The following FNTB variants were observed in gnomAD, a reference collection of about 807,000 sequenced individuals.
FNTB encodes protein farnesyltransferase subunit beta.
Under a neutral mutation model 59.4 loss-of-function variants are expected in FNTB, and 27 were observed. The ratio of observed to expected loss-of-function variants is 0.45; its 90% CI spans 0.34 to 0.63. FNTB has a LOEUF of 0.63. Ranked by LOEUF, FNTB falls within the 20% of genes least tolerant of loss-of-function variation. The pLI, the probability that FNTB is intolerant of heterozygous loss-of-function variation, is 0.02. For missense variants in FNTB, 449 were observed against 559.6 expected, an observed-to-expected ratio of 0.80 and a Z score of 1.99; for synonymous variants, 230 against 220.7, an observed-to-expected ratio of 1.04 and a Z score of -0.37.
intron 1 of FNTB, among the ~76,000 whole-genome samples, chr14:64,996,766 CTTTTTT>C (rs34327825): frequency 2.3e-4 from 22 of 94,440 alleles, no homozygotes; most frequent in Middle Eastern, 6.1e-3. Context: ...TTGCTAACAT[CTTTTTT>C]TTTTTTTTTT....
chr14:65,060,870 CAAAAAAAA>C (rs58241887), intron 11 of FNTB, among the ~76,000 whole-genome samples: 5,833 of 79,624 alleles, frequency 0.073, 167 homozygotes, highest in African/African-American at 0.11. Context: ...AAGACTCTCT[CAAAAAAAA>C]AAAAAAAAAA....
intron 4 of FNTB, among the ~76,000 whole-genome samples, chr14:65,016,926 T>G (rs1168214789): frequency 6.9e-6 from 1 of 145,294 alleles, no homozygotes; most frequent in African/African-American, 2.5e-5. Context: ...CGTGGTTTTT[T>G]TTTTTTTTTT....
At position 64,994,318 on chromosome 14, in the gene FNTB, C is replaced by CT. The variant is rs1453647912; in HGVS notation, c.144+7222dup. On this transcript the variant is annotated intron_variant, in intron 1 of 11. Coordinates refer to ENST00000246166, the MANE Select transcript of FNTB (RefSeq NM_002028.4). This position sits in a 1 kb window ranked among gnomAD's most constrained non-coding sequence, Gnocchi z 4.2. ...TTACTTGATCCCTGGCCCCTAGAGT[C>CT]TAACACAATCTCTCCATTACTGAAC... Among the ~76,000 whole-genome samples the CT allele has an allele frequency of 6.6e-6, 1 of 152,192 alleles. No homozygotes were observed. The highest frequency in any genetic ancestry group is 1.5e-5 in the Non-Finnish European group (1 of 68,032).
intron 7 of FNTB, among the ~76,000 whole-genome samples, chr14:65,037,082 CTT>C (rs2062209319): frequency 6.6e-6 from 1 of 150,826 alleles, no homozygotes; most frequent in South Asian, 2.1e-4. Context: ...AATTTCTTCT[CTT>C]GTGTTTTCTG....
chr14:65,044,693 G>A lies in FNTB; in HGVS notation c.955+250G>A, dbSNP rs929110863. Reference sequence around the variant, plus strand: ...GAATGAGCTTCCTTGAAATTGCTACGGGGAGCGGGGAGGAAGTGGGCGCTG... The same window carrying A: ...GAATGAGCTTCCTTGAAATTGCTACAGGGAGCGGGGAGGAAGTGGGCGCTG... On this transcript the variant is annotated intron_variant, in intron 9 of 11. Transcript: ENST00000246166. This position sits in a 1 kb window ranked among gnomAD's most constrained non-coding sequence, Gnocchi z 5.5. 7 of 540,720 alleles carry A rather than the reference G, an allele frequency of 1.3e-5. No homozygotes were observed. Among genetic ancestry groups the A allele is most frequent in the East Asian group, 1.2e-4 (3 of 25,022 alleles). 33.5% of individuals were successfully genotyped at this position (540,720 alleles called of 1,614,324 possible).
chr14:65,022,588 A>G (rs1402663623), intron 4 of FNTB, among the ~76,000 whole-genome samples: 1 of 152,134 alleles, frequency 6.6e-6, no homozygotes, highest in East Asian at 1.9e-4. Flanking sequence ...GCTGGTCTCA[A>G]ACTCTTGGCC....
At chr14:65,040,972 A>G in intron 8 of FNTB, 53 bp downstream of exon 8, 1 of 1,598,030 alleles carries the variant, frequency 6.3e-7, no homozygotes, top group Non-Finnish European at 8.5e-7. Flanking sequence ...TGGTGATGTG[A>G]TTGTACTCAG....
chr14:65,058,854 G>A lies in FNTB; in HGVS notation c.1183-2327G>A, dbSNP rs545049677. On this transcript the variant is annotated intron_variant, in intron 11 of 11. Coordinates refer to ENST00000246166, the MANE Select transcript of FNTB (RefSeq NM_002028.4). The stretch of plus-strand genomic sequence containing the variant: ...TTTGTTCAGTATACTGCTGGATTCA[G>A]TTTGCCAGTATGTTTGCCTAGTACT... Among the ~76,000 whole-genome samples, 95 of 152,272 alleles carry A rather than the reference G, an allele frequency of 6.2e-4. 1 individual carries two copies. The highest frequency in any genetic ancestry group is 1.1e-3 in the Non-Finnish European group (78 of 68,012).
chr14:64,988,071 C>A (rs927784918), intron 1 of FNTB, among the ~76,000 whole-genome samples: 1 of 152,148 alleles, frequency 6.6e-6, no homozygotes, highest in African/African-American at 2.4e-5. Flanking sequence ...GAAGCCTGTA[C>A]TTTGGCAAAA....
At chr14:65,050,718 C>T (rs1421678971) in intron 9 of FNTB, among the ~76,000 whole-genome samples, 1 of 152,194 alleles carries the variant, frequency 6.6e-6, no homozygotes, top group African/African-American at 2.4e-5. Context: ...ACAGCTCCTG[C>T]AGAGCAGGGC....
intron 1 of FNTB, among the ~76,000 whole-genome samples, chr14:64,989,640 A>G (rs375130575): frequency 1.3e-5 from 2 of 152,288 alleles, no homozygotes; most frequent in African/African-American, 4.8e-5. Context: ...AGTTAAACCT[A>G]TAAATAGTGG....
At chr14:65,033,384 T>A (rs1025532704) in intron 7 of FNTB, among the ~76,000 whole-genome samples, 3 of 152,220 alleles carry the variant, frequency 2.0e-5, no homozygotes, top group African/African-American at 7.2e-5. Context: ...AGCATAGTGA[T>A]TCCCGCTGAG....
Position 65,032,666 on chromosome 14 carries a change from T to G in FNTB, c.662T>G (p.Leu221Arg). The change falls in exon 7 of 12, where the codon CTC becomes CGC. Residue 221 changes from leucine to arginine, a missense_variant. Leu to Arg is a moderately radical substitution (Grantham distance 102). Transcript: ENST00000246166. The surrounding 1 kb of genome is among the most constrained non-coding windows in gnomAD (Gnocchi z 5.0). ...ASLTNIITPD[L>R]FEGTAEWIAR... ...CTGACCAACATCATCACTCCAGACC[T>G]CTTTGAGGGCACTGCTGAATGGATA... The G allele has an allele frequency of 6.2e-7, 1 of 1,613,712 alleles. No individual in the cohort carries two copies. The highest frequency in any genetic ancestry group is 8.5e-7 in the Non-Finnish European group (1 of 1,179,918).
Position 65,047,912 on chromosome 14 carries a change from C to T in FNTB, c.955+3469C>T, listed in dbSNP as rs2062518316. 6.6e-6 allele frequency among the ~76,000 whole-genome samples: 1 copy of T among 152,046 alleles called. No homozygotes were observed. Among genetic ancestry groups the T allele is most frequent in the African/African-American group, 2.4e-5 (1 of 41,384 alleles). On this transcript the variant is annotated intron_variant, in intron 9 of 11. Transcript: ENST00000246166. This position sits in a 1 kb window ranked among gnomAD's most constrained non-coding sequence, Gnocchi z 5.2. ...TTTCCTGGAACCCTACACAAAACCCCTTGAACAATGGGTACCTTTGGGAGA... is the reference window on the plus strand; with the variant it reads ...TTTCCTGGAACCCTACACAAAACCCTTTGAACAATGGGTACCTTTGGGAGA...
intron 11 of FNTB, among the ~76,000 whole-genome samples, chr14:65,060,941 T>C (rs1396582063): frequency 6.6e-6 from 1 of 151,682 alleles, no homozygotes; most frequent in African/African-American, 2.4e-5. Context: ...CATAATATGT[T>C]GTAAGTATTT....
In FNTB at chr14:65,060,941, TGTAA is replaced by T. The variant is rs201343590; in HGVS notation, c.1183-236_1183-233del. Among the ~76,000 whole-genome samples the T allele has an allele frequency of 3.6e-3, 539 of 151,788 alleles. 4 individuals are homozygous for T. Among genetic ancestry groups the T allele is most frequent in the African/African-American group, 0.012 (492 of 41,324 alleles). ...CATACTGTTTTCTCACATAATATGTTGTAAGTATTTGCCTGTATCGTTAAATATT... is the reference window on the plus strand; with the variant it reads ...CATACTGTTTTCTCACATAATATGTTGTATTTGCCTGTATCGTTAAATATT... On this transcript the variant is annotated intron_variant, in intron 11 of 11. Coordinates refer to ENST00000246166, the MANE Select transcript of FNTB (RefSeq NM_002028.4).
intron 11 of FNTB, among the ~76,000 whole-genome samples, chr14:65,057,576 A>C (rs1252794359): frequency 6.6e-6 from 1 of 152,234 alleles, no homozygotes; most frequent in African/African-American, 2.4e-5. Flanking sequence ...AGACAAAAGG[A>C]GGCACACATT....
intron 4 of FNTB, among the ~76,000 whole-genome samples, chr14:65,021,790 C>T (rs1317815662): frequency 2.6e-5 from 4 of 152,148 alleles, no homozygotes; most frequent in East Asian, 1.9e-4. Flanking sequence ...GGACTACGGG[C>T]GCATGCCACT....
rs907708509 is a variant in FNTB, at chr14:65,030,576, A to G, written c.606-2034A>G. Among the ~76,000 whole-genome samples, 1 of 152,028 alleles carries G rather than the reference A, an allele frequency of 6.6e-6. No homozygotes were observed. The highest frequency in any genetic ancestry group is 1.5e-5 in the Non-Finnish European group (1 of 68,004). On this transcript the variant is annotated intron_variant, in intron 6 of 11. Coordinates refer to ENST00000246166, the MANE Select transcript of FNTB (RefSeq NM_002028.4). This position sits in a 1 kb window ranked among gnomAD's most constrained non-coding sequence, Gnocchi z 4.5. ...TAACACAGCAAGACCCTGTCTCTAC[A>G]AAAAATTTTTAAAAAATTAGCCAGG...
Sources: allele counts gnomAD v4.1 joint callset (sites outside exome capture counted in the v4.1 genomes callset), GRCh38; gene constraint gnomAD v4.1.1; non-coding constraint Gnocchi (gnomAD v3.1); transcripts MANE v1.5; gene names NCBI Gene and HGNC (gene_info 2026-07-23, HGNC 2026-07-21).